UXS1: variants seen among roughly 807,000 people sequenced by gnomAD.
UXS1 encodes the protein UDP-glucuronate decarboxylase 1, also known as UDP-glucuronic acid decarboxylase 1.
In UXS1, 33 loss-of-function variants were observed where a neutral mutation model predicts 62.6. That is an observed-to-expected ratio of 0.53 (90% CI 0.40 to 0.70). The LOEUF (loss-of-function observed/expected upper bound fraction) is 0.70. Ranked by LOEUF, UXS1 falls within the 30% of genes least tolerant of loss-of-function variation. The probability of loss-of-function intolerance (pLI) is 0.00; values close to 1 mark genes in which losing one functional copy is unlikely to be tolerated. For missense variants in UXS1, 434 were observed against 556.3 expected (o/e 0.78, Z 2.21); for synonymous variants, 213 against 206.8 (o/e 1.03, Z -0.26).
At chr2:106,162,811 T>G (rs1040649685) in intron 4 of UXS1, among the ~76,000 whole-genome samples, 14 of 152,248 alleles carry the variant, frequency 9.2e-5, no homozygotes, top group Admixed American at 2.6e-4. Context: ...TTTTGTTTAA[T>G]GACTCTTCTC....
chr2:106,169,696 G>GA (rs1226090172), intron 1 of UXS1, among the ~76,000 whole-genome samples: 1 of 151,952 alleles, frequency 6.6e-6, no homozygotes, highest in African/African-American at 2.4e-5. Flanking sequence ...TCAGAAAAAA[G>GA]AAAAAAAGTT....
intron 14 of UXS1, among the ~76,000 whole-genome samples, chr2:106,095,507 C>T (rs984694592): frequency 6.6e-6 from 1 of 152,226 alleles, no homozygotes; most frequent in African/African-American, 2.4e-5. Flanking sequence ...TGACTATGCA[C>T]ATTTTAAAAA....
intron 5 of UXS1, among the ~76,000 whole-genome samples, chr2:106,154,771 G>A (rs978221351): frequency 2.6e-5 from 4 of 152,230 alleles, no homozygotes; most frequent in African/African-American, 9.6e-5. Context: ...GGGAACCCCA[G>A]TATGATTAAC....
chr2:106,138,879 C>T, intron 6 of UXS1: 3 of 985,318 alleles, frequency 3.0e-6, no homozygotes, highest in Non-Finnish European at 3.6e-6. Flanking sequence ...CAGTTCCTAT[C>T]CTAAAAAGGG....
chr2:106,176,578 G>A (rs193253554), intron 1 of UXS1, among the ~76,000 whole-genome samples: 1 of 152,274 alleles, frequency 6.6e-6, no homozygotes, highest in African/African-American at 2.4e-5. Flanking sequence ...GCTGCTGAAC[G>A]GGAAGCCGTG....
rs529860360 is a variant in UXS1, at chr2:106,110,175, G to A, written c.879+2471C>T. 9.2e-5 allele frequency among the ~76,000 whole-genome samples: 14 copies of A among 152,242 alleles called. No homozygotes were observed. In the East Asian group the frequency reaches 9.7e-4, roughly 11 times the overall value. ...AAACACATTCTGAAAGGCCTCCCTC[G>A]GGACTTCTGCCTCCTGCCACCAGAA... On this transcript the variant is annotated intron_variant, in intron 10 of 14. Transcript: ENST00000283148.
chr2:106,155,408 GA>G (rs1388636501), intron 5 of UXS1, among the ~76,000 whole-genome samples: 1 of 152,144 alleles, frequency 6.6e-6, no homozygotes, highest in African/African-American at 2.4e-5. Flanking sequence ...ATTCCAGAAG[GA>G]AAAAGAAGGG....
intron 1 of UXS1, among the ~76,000 whole-genome samples, chr2:106,171,908 G>A (rs962900089): frequency 2.0e-5 from 3 of 152,214 alleles, no homozygotes. Context: ...TGTAAGGCAC[G>A]CCCTTCTTTA....
chr2:106,155,726 G>T (rs1455306762), intron 5 of UXS1, among the ~76,000 whole-genome samples: 1 of 152,132 alleles, frequency 6.6e-6, no homozygotes, highest in African/African-American at 2.4e-5. Context: ...GCATTTCTCA[G>T]AATGTATCCC....
chr2:106,188,697 G>A (rs568639297), intron 1 of UXS1, among the ~76,000 whole-genome samples: 8 of 152,318 alleles, frequency 5.3e-5, no homozygotes, highest in African/African-American at 1.9e-4. Flanking sequence ...CAGCACTAAG[G>A]TCAGAAGGCC....
In UXS1 at chr2:106,161,801, AAG is replaced by A. The variant is rs1682914060; in HGVS notation, c.230+1864_230+1865del. Among the ~76,000 whole-genome samples, 2 of 152,316 alleles carry A rather than the reference AAG, an allele frequency of 1.3e-5. 1 individual carries two copies. The highest frequency in any genetic ancestry group is 1.3e-4 in the Admixed American group (2 of 15,306). On this transcript the variant is annotated intron_variant, in intron 4 of 14. Coordinates refer to ENST00000283148, the MANE Select transcript of UXS1 (RefSeq NM_001253875.2). ...GTATTAAGCAATGGGAGTGTGGTAAAAGAGAAAAAGCCCACATACAATCCATT... is the reference window on the plus strand; with the variant it reads ...GTATTAAGCAATGGGAGTGTGGTAAAAGAAAAAGCCCACATACAATCCATT...
chr2:106,110,613 T>G (rs1010271790), intron 10 of UXS1, among the ~76,000 whole-genome samples: 2 of 152,138 alleles, frequency 1.3e-5, no homozygotes, highest in African/African-American at 4.8e-5. Flanking sequence ...GAGGGTTACA[T>G]GAGATGATAG....
intron 1 of UXS1, among the ~76,000 whole-genome samples, chr2:106,178,234 G>A (rs1684015251): frequency 6.6e-6 from 1 of 152,118 alleles, no homozygotes; most frequent in African/African-American, 2.4e-5. Context: ...ATCCCCACGT[G>A]GCACTTCTCC....
intron 5 of UXS1, among the ~76,000 whole-genome samples, chr2:106,156,383 A>G (rs983395851): frequency 2.0e-5 from 3 of 152,194 alleles, no homozygotes; most frequent in Non-Finnish European, 4.4e-5. Context: ...AAGACAGACA[A>G]TAAGAAGTGG....
chr2:106,097,695 T>C (rs999669408), intron 13 of UXS1: 1 of 193,078 alleles, frequency 5.2e-6, no homozygotes, highest in African/African-American at 2.3e-5. Flanking sequence ...ACACATCTGA[T>C]GATGCTGCTG....
chr2:106,194,058 C>A, intron 1 of UXS1, 90 bp downstream of exon 1: 1 of 1,054,056 alleles, frequency 9.5e-7, no homozygotes, highest in South Asian at 2.2e-5. Context: ...GCTGCAGGGC[C>A]GCCTCGGGGC....
At chr2:106,175,493 T>C (rs751263567) in intron 1 of UXS1, among the ~76,000 whole-genome samples, 12 of 152,208 alleles carry the variant, frequency 7.9e-5, no homozygotes, top group Non-Finnish European at 1.5e-5. Flanking sequence ...AGTGTCTCTG[T>C]GTCCTTCTTT....
rs550186026 is a variant in UXS1, at chr2:106,098,868, C to T, written c.985-95G>A. ...CGTGTCTGCAGAGACGTCTACTGGC[C>T]GAGTCTGACCTCCCTGCGCTGCTTC... On this transcript the variant is annotated intron_variant, in intron 12 of 14. Coordinates refer to ENST00000283148, the MANE Select transcript of UXS1 (RefSeq NM_001253875.2). The T allele has an allele frequency of 2.5e-4, 281 of 1,105,242 alleles. 5 individuals carry two copies. The South Asian group carries it at 3.6e-3, about 14-fold the overall frequency. 68.5% of individuals were successfully genotyped at this position (1,105,242 alleles called of 1,614,324 possible). A position where few individuals can be genotyped will look rare whatever the true frequency, so the allele number is the denominator to read the frequency against.
chr2:106,119,810 C>T (rs1454643087), intron 9 of UXS1, among the ~76,000 whole-genome samples: 1 of 152,206 alleles, frequency 6.6e-6, no homozygotes, highest in Non-Finnish European at 1.5e-5. Context: ...AGAATCATCT[C>T]AACGTCTTCA....
Sources: allele counts gnomAD v4.1 joint callset (sites outside exome capture counted in the v4.1 genomes callset), GRCh38; gene constraint gnomAD v4.1.1; transcripts MANE v1.5; gene names NCBI Gene and HGNC (gene_info 2026-07-23, HGNC 2026-07-21).